ANKRD28: variants seen among roughly 807,000 people sequenced by gnomAD.
The protein encoded by ANKRD28 is ankyrin repeat domain 28, also known as serine/threonine-protein phosphatase 6 regulatory ankyrin repeat subunit A.
In ANKRD28, 44 loss-of-function variants were observed where a neutral mutation model predicts 126.5. The observed-to-expected ratio is 0.35, with a 90% confidence interval of 0.27 to 0.45. The LOEUF is 0.45. ANKRD28 is among the 20% of genes least tolerant of loss of function. The pLI is 1.00. For synonymous variants in ANKRD28, 442 were observed against 468.5 expected, an observed-to-expected ratio of 0.94 and a Z score of 0.73; for missense variants, 1,110 against 1,316.6, an observed-to-expected ratio of 0.84 and a Z score of 2.43.
intron 1 of ANKRD28, among the ~76,000 whole-genome samples, chr3:15,819,818 A>T (rs2060905290): frequency 6.6e-6 from 1 of 152,194 alleles, no homozygotes; most frequent in African/African-American, 2.4e-5. Flanking sequence ...CCAATCAGAA[A>T]TCATTAGGGG....
At chr3:15,756,572 C>T (rs1461944461) in intron 3 of ANKRD28, 1 of 914,116 alleles carries the variant, frequency 1.1e-6, no homozygotes, top group Non-Finnish European at 1.3e-6. Context: ...GGAAGGAACA[C>T]TGGAGCAGGA....
intron 1 of ANKRD28, among the ~76,000 whole-genome samples, chr3:15,850,124 A>G (rs1020756586): frequency 1.3e-5 from 2 of 150,390 alleles, no homozygotes; most frequent in African/African-American, 4.9e-5. Context: ...TGCCAAGACA[A>G]TTCAATGGGG....
intron 1 of ANKRD28, among the ~76,000 whole-genome samples, chr3:15,831,731 T>C (rs971118345): frequency 1.3e-5 from 2 of 152,218 alleles, no homozygotes; most frequent in East Asian, 1.9e-4. Context: ...TGGAAAGCAA[T>C]TGCACATTCT....
rs2067072417 is a variant in ANKRD28 at position 15,677,547 on chromosome 3, C to G, written c.2723G>C (p.Ser908Thr). The G allele has an allele frequency of 6.2e-7, 1 of 1,611,796 alleles. No homozygotes were observed. The highest frequency in any genetic ancestry group is 1.3e-5 in the African/African-American group (1 of 74,878). Residue 908 changes from serine (S) to threonine (T), a missense_variant, in exon 25 of 28, where the codon AGT (serine) becomes ACT (threonine). Coordinates refer to ENST00000683139, the MANE Select transcript of ANKRD28 (RefSeq NM_001349278.2). ...TTGTAAAGTCAGTTCTGCACTAGCA[C>G]TGCTAACCAGCATCTCTGGGAGGAA... is the stretch of plus-strand genomic sequence containing the variant. ...QTNTVEMLVS[S>T]ASAELTLQDN...
At chr3:15,765,393 A>G (rs1312453735) in intron 3 of ANKRD28, among the ~76,000 whole-genome samples, 1 of 152,190 alleles carries the variant, frequency 6.6e-6, no homozygotes, top group Non-Finnish European at 1.5e-5. Flanking sequence ...CAGAAATCTT[A>G]CTGGCATTGC....
intron 4 of ANKRD28, among the ~76,000 whole-genome samples, chr3:15,742,452 G>A (rs1422301179): frequency 1.4e-4 from 20 of 143,884 alleles, no homozygotes; most frequent in Non-Finnish European, 2.3e-4. Flanking sequence ...GGTGAGGAGC[G>A]TCTCTGCCCA....
At position 15,679,458 on chromosome 3, in the gene ANKRD28, C is replaced by A. The variant is rs2067294495; in HGVS notation, c.2477+18G>T. 2 of 1,613,686 alleles carry A rather than the reference C, an allele frequency of 1.2e-6. No individual in the cohort carries two copies. The highest frequency in any genetic ancestry group is 8.5e-7 in the Non-Finnish European group (1 of 1,179,756). On this transcript the variant is annotated intron_variant, in intron 22 of 27. Transcript: ENST00000683139. ...TAAAACACTCAAACCAAATCTGATT[C>A]ATTCTGGCTTTACTTACACGGCACA...
intron 2 of ANKRD28, among the ~76,000 whole-genome samples, chr3:15,774,369 G>A (rs545950424): frequency 2.0e-5 from 3 of 152,082 alleles, no homozygotes; most frequent in Non-Finnish European, 4.4e-5. Context: ...ATCTGACAGA[G>A]AACTTGAATT....
At chr3:15,810,294 C>G (rs1458616761) in intron 1 of ANKRD28, among the ~76,000 whole-genome samples, 1 of 150,962 alleles carries the variant, frequency 6.6e-6, no homozygotes, top group Non-Finnish European at 1.5e-5. Flanking sequence ...AACTTGCCAA[C>G]AGCTATCAAT....
Position 15,717,764 on chromosome 3 carries a change from T to A in ANKRD28, c.997-3108A>T, listed in dbSNP as rs184499188. On this transcript the variant is annotated intron_variant, in intron 8 of 27. Coordinates refer to ENST00000683139, the MANE Select transcript of ANKRD28 (RefSeq NM_001349278.2). ...AATGAAGCAATCAGTGCAGTAAGGC[T>A]CATGTCAAGCAGTTCTAAAAAACAG... Among the ~76,000 whole-genome samples, 565 of 152,300 alleles carry A rather than the reference T, an allele frequency of 3.7e-3. 6 individuals carry two copies. The highest frequency in any genetic ancestry group is 4.5e-3 in the Non-Finnish European group (303 of 68,008).
chr3:15,843,694 TAAG>T lies in ANKRD28; in HGVS notation c.27+15680_27+15682del, dbSNP rs1436622485. ...AATGGGTAAAAAAAATGAATACAAA[TAAG>T]AGATAAACAATACATCTAAATTTCA... On this transcript the variant is annotated intron_variant, in intron 1 of 27. Transcript: ENST00000399451. This position sits in a 1 kb window ranked among gnomAD's most constrained non-coding sequence, Gnocchi z 5.2. Among the ~76,000 whole-genome samples the T allele has an allele frequency of 1.4e-5, 2 of 147,048 alleles. No homozygotes were observed. Among genetic ancestry groups the T allele is most frequent in the Non-Finnish European group, 3.0e-5 (2 of 66,590 alleles).
chr3:15,764,464 C>T (rs1485324694), intron 3 of ANKRD28, among the ~76,000 whole-genome samples: 1 of 150,992 alleles, frequency 6.6e-6, no homozygotes, highest in Non-Finnish European at 1.5e-5. Context: ...TTGTTGCAAA[C>T]ATTCACTTTT....
intron 6 of ANKRD28, among the ~76,000 whole-genome samples, chr3:15,731,633 C>T (rs2074603014): frequency 1.3e-5 from 2 of 151,996 alleles, no homozygotes; most frequent in African/African-American, 2.4e-5. Flanking sequence ...AAAATAGGGA[C>T]ATTTGCAGAA....
intron 3 of ANKRD28, 149 bp from the exon 4 acceptor site, chr3:15,751,969 C>A: frequency 1.8e-6 from 1 of 550,948 alleles, no homozygotes; most frequent in South Asian, 3.0e-5. Context: ...ATAAAATTAC[C>A]CTTAGAATAT....
intron 1 of ANKRD28, among the ~76,000 whole-genome samples, chr3:15,850,143 A>G (rs2125990990): frequency 1.4e-5 from 2 of 147,768 alleles, no homozygotes; most frequent in South Asian, 2.1e-4. Context: ...GGGAAAGATT[A>G]CCTTTTTCAA....
chr3:15,731,878 G>A (rs1174704317), intron 6 of ANKRD28: 5 of 135,506 alleles, frequency 3.7e-5, no homozygotes, highest in Admixed American at 2.9e-4. Flanking sequence ...AAAAAAAGGG[G>A]GGGGGGGTGT....
intron 27 of ANKRD28, among the ~76,000 whole-genome samples, chr3:15,674,174 C>CAAAA (rs34806568): frequency 0.011 from 441 of 40,030 alleles, 45 homozygotes; most frequent in African/African-American, 0.03. Context: ...CCTGCCTCTT[C>CAAAA]AAAAAAAAAA....
Position 15,739,181 on chromosome 3 carries a change from C to A in ANKRD28, c.352-1948G>T, listed in dbSNP as rs1018284745. On this transcript the variant is annotated intron_variant, in intron 4 of 27. Transcript: ENST00000683139. ...GTCCTGAGGTGATGTACATCCTCAG[C>A]TTACAAAGATGATGGGATTAAGAGA... 2.0e-4 allele frequency among the ~76,000 whole-genome samples: 30 copies of A among 152,042 alleles called. 1 individual carries two copies. Among genetic ancestry groups the A allele is most frequent in the African/African-American group, 7.2e-4 (30 of 41,394 alleles).
chr3:15,854,920 G>A lies in ANKRD28; in HGVS notation c.27+4457C>T, dbSNP rs2061730603. Among the ~76,000 whole-genome samples, 1 of 152,080 alleles carries A rather than the reference G, an allele frequency of 6.6e-6. No homozygotes were observed. Among genetic ancestry groups the A allele is most frequent in the Non-Finnish European group, 1.5e-5 (1 of 68,012 alleles). ...AAAAATTAGCTGGGTGTGGTGGTGG[G>A]CGCCTGTAGTCCCAGCTACTAGGGA... is the stretch of plus-strand genomic sequence containing the variant. On this transcript the variant is annotated intron_variant, in intron 1 of 27. Transcript: ENST00000399451. This position sits in a 1 kb window ranked among gnomAD's most constrained non-coding sequence, Gnocchi z 4.1.
Sources: gnomAD v4.1 joint callset for allele counts (sites outside exome capture counted in the v4.1 genomes callset) on GRCh38, gnomAD v4.1.1 for gene constraint, Gnocchi (gnomAD v3.1) non-coding constraint, MANE v1.5 for transcripts, NCBI Gene and HGNC (gene_info 2026-07-23, HGNC 2026-07-21) for gene names.